The following LENG8 variants were observed in gnomAD, a reference collection of about 807,000 sequenced individuals.
LENG8 encodes leukocyte receptor cluster (LRC) member 8.
LENG8 carries 28 observed loss-of-function variants against 102.1 expected under a neutral mutation model. That is an observed-to-expected ratio of 0.27 (90% CI 0.20 to 0.38). The LOEUF (loss-of-function observed/expected upper bound fraction) is 0.38. LENG8 is among the 10% of genes least tolerant of loss of function. The probability of loss-of-function intolerance (pLI) is 1.00; values close to 1 mark genes in which losing one functional copy is unlikely to be tolerated. For missense variants in LENG8, 1,022 were observed against 1,113.9 expected, an observed-to-expected ratio of 0.92 and a Z score of 1.17; for synonymous variants, 531 against 456.7, an observed-to-expected ratio of 1.16 and a Z score of -2.07.
chr19:54,458,023 C>G, intron 13 of LENG8, 21 bp downstream of exon 13: 1 of 1,613,142 alleles, frequency 6.2e-7, no homozygotes, highest in East Asian at 2.2e-5. Flanking sequence ...CTCTGCGGGC[C>G]TCCCCAGCCC....
At chr19:54,450,078 C>G (rs754804344) in intron 1 of LENG8, among the ~76,000 whole-genome samples, 3 of 152,220 alleles carry the variant, frequency 2.0e-5, no homozygotes, top group Non-Finnish European at 1.5e-5. Flanking sequence ...AATCCTTGCT[C>G]CGGAGACACT....
Position 54,461,262 on chromosome 19 carries a change from T to G in LENG8, c.*334T>G. On this transcript the variant is annotated 3_prime_UTR_variant, in exon 16 of 16. Transcript: ENST00000326764. ...TCTCTCTTTCGAGCTTGCACTCCGGTACCCGACCCGGCGCCCTGGCCCATC... is the reference window on the plus strand; with the variant it reads ...TCTCTCTTTCGAGCTTGCACTCCGGGACCCGACCCGGCGCCCTGGCCCATC... The G allele has an allele frequency of 6.0e-6, 3 of 500,004 alleles. No homozygotes were observed. The highest frequency in any genetic ancestry group is 1.9e-5 in the African/African-American group (1 of 51,810). 31.0% of individuals were successfully genotyped at this position (500,004 alleles called of 1,614,324 possible). A position where few individuals can be genotyped will look rare whatever the true frequency, so the allele number is the denominator to read the frequency against.
chr19:54,458,005 G>A lies in LENG8; in HGVS notation c.1902+3G>A. 6.2e-7 allele frequency: 1 copy of A among 1,613,548 alleles called. No individual in the cohort carries two copies. The highest frequency in any genetic ancestry group is 8.5e-7 in the Non-Finnish European group (1 of 1,180,030). ...ATGCCCGGATCGCCTTGGAGAAGGT[G>A]AGCTGGCCTCTGCGGGCCTCCCCAG... is the stretch of plus-strand genomic sequence containing the variant. On this transcript the variant is annotated splice_donor_region_variant and intron_variant, in intron 13 of 15. Transcript: ENST00000326764.
chr19:54,453,979 A>G (rs754601931), intron 5 of LENG8, among the ~76,000 whole-genome samples: 9 of 152,184 alleles, frequency 5.9e-5, no homozygotes, highest in Non-Finnish European at 1.5e-5. Context: ...GGAGGCAGGT[A>G]GACCTGGGTT....
At chr19:54,457,414 C>T (rs912120678) in intron 11 of LENG8, among the ~76,000 whole-genome samples, 5 of 152,202 alleles carry the variant, frequency 3.3e-5, no homozygotes, top group African/African-American at 1.2e-4. Context: ...GATCTTGGCT[C>T]ACCGCAGCCT....
rs1188940495 is a variant in LENG8 at position 54,459,875 on chromosome 19, G to C, written c.2241-891G>C. 3.4e-6 allele frequency: 4 copies of C among 1,169,914 alleles called. No homozygotes were observed. In the African/African-American group the frequency reaches 6.4e-5, roughly 19 times the overall value. 72.5% of individuals were successfully genotyped at this position (1,169,914 alleles called of 1,614,324 possible). ...AGGAGGCTGCTTAGTCTGCTGCCAT[G>C]ATGGGCCCCATGAATGGTGGCTCTC... On this transcript the variant is annotated intron_variant, in intron 15 of 15. Transcript: ENST00000326764.
At chr19:54,458,025 C>T (rs1422540956) in intron 13 of LENG8, 23 bp downstream of exon 13, 5 of 1,613,040 alleles carry the variant, frequency 3.1e-6, no homozygotes, top group Middle Eastern at 1.6e-4. Flanking sequence ...CTGCGGGCCT[C>T]CCCAGCCCCT....
intron 11 of LENG8, among the ~76,000 whole-genome samples, chr19:54,457,156 C>G (rs1009404868): frequency 2.0e-5 from 3 of 152,250 alleles, no homozygotes; most frequent in Non-Finnish European, 4.4e-5. Context: ...ACCTCTGGGC[C>G]GTGGTTCCTG....
Position 54,451,335 on chromosome 19 carries a change from C to T in LENG8, c.-10C>T, listed in dbSNP as rs746014471. ...CTCCCGAGGTCCACCCCTTATACCC[C>T]AAGGTCCAGATGGCGGCCAACGTGG... is the stretch of plus-strand genomic sequence containing the variant. On this transcript the variant is annotated 5_prime_UTR_variant, in exon 2 of 16. Transcript: ENST00000326764. The T allele has an allele frequency of 1.9e-6, 3 of 1,614,046 alleles. No individual in the cohort carries two copies. The East Asian group carries it at 6.7e-5, about 36-fold the overall frequency.
intron 3 of LENG8, 54 bp from the exon 4 acceptor site, chr19:54,452,597 C>A: frequency 7.1e-7 from 1 of 1,412,092 alleles, no homozygotes; most frequent in Non-Finnish European, 1.0e-6. Context: ...CCTTTGGGGG[C>A]CGTGTGCCTG....
chr19:54,451,857 CA>C (rs530653094), intron 2 of LENG8: 1 of 505,074 alleles, frequency 2.0e-6, no homozygotes, highest in Non-Finnish European at 3.5e-6. Flanking sequence ...TTGGTTTTAA[CA>C]ACTGCTGTGT....
chr19:54,455,601 G>T (rs1373460007), intron 8 of LENG8, 34 bp downstream of exon 8: 1 of 1,570,564 alleles, frequency 6.4e-7, no homozygotes, highest in Non-Finnish European at 8.6e-7. Context: ...GTGGGAGGGT[G>T]GTGCTGTGAG....
At position 54,456,381 on chromosome 19, in the gene LENG8, G is replaced by A; in HGVS notation, c.1361G>A (p.Gly454Asp). 6.2e-7 allele frequency: 1 copy of A among 1,612,746 alleles called. No individual in the cohort carries two copies. The highest frequency in any genetic ancestry group is 8.5e-7 in the Non-Finnish European group (1 of 1,179,988). Residue 454 changes from glycine to aspartate, a missense_variant, in exon 10 of 16, where the codon GGC becomes GAC. By Grantham distance (94) the Gly-to-Asp change is moderately conservative (BLOSUM62 -1). Around this residue, in one of 7 missense-constraint regions of LENG8, gnomAD observed 326 missense variants for 324.5 expected, o/e 1.00. Coordinates refer to ENST00000326764, the MANE Select transcript of LENG8 (RefSeq NM_052925.4). ...SYSGNECHPV[G>D]RRNPPPKGRG... ...TCAGGGAATGAGTGTCACCCTGTGG[G>A]CCGCAGGAACCCGCCCCCTAAGGGC...
chr19:54,454,246 A>G lies in LENG8; in HGVS notation c.427-184A>G, dbSNP rs546928849. ...AGCTGGAGCCTTGTCAGCTGTGAAA[A>G]GGGCTGTTAACAAATGTTAACCTCA... On this transcript the variant is annotated intron_variant, in intron 5 of 15. Coordinates refer to ENST00000326764, the MANE Select transcript of LENG8 (RefSeq NM_052925.4). Among the ~76,000 whole-genome samples, 5 of 152,290 alleles carry G rather than the reference A, an allele frequency of 3.3e-5. No individual in the cohort carries two copies. In the South Asian group the frequency reaches 6.2e-4, roughly 19 times the overall value.
chr19:54,460,747 T>C lies in LENG8; in HGVS notation c.2241-19T>C, dbSNP rs760983523. ...CTCCCGCCCGCCCGCCTCATCACCT[T>C]CTCCTCTTGTCTCCATAGCTTCCGC... is the stretch of plus-strand genomic sequence containing the variant. On this transcript the variant is annotated intron_variant, in intron 15 of 15. Transcript: ENST00000326764. 2.8e-4 allele frequency: 162 copies of C among 579,910 alleles called. No homozygotes were observed. Among genetic ancestry groups the C allele is most frequent in the Non-Finnish European group, 3.7e-4 (135 of 368,748 alleles). 35.9% of individuals were successfully genotyped at this position (579,910 alleles called of 1,614,324 possible). A position where few individuals can be genotyped will look rare whatever the true frequency, so the allele number is the denominator to read the frequency against.
Position 54,455,399 on chromosome 19 carries a change from C to T in LENG8, c.857C>T (p.Pro286Leu), listed in dbSNP as rs749395285. ...GCCCGGGGGAACCTGTCTGGGAAGCCGGATGACTGGCCCCAGGACATGAAA... is the reference window on the plus strand; with the variant it reads ...GCCCGGGGGAACCTGTCTGGGAAGCTGGATGACTGGCCCCAGGACATGAAA... ...SSARGNLSGK[P>L]DDWPQDMKEY... is the part of the protein sequence containing the mutation. The change falls in exon 8 of 16, where the codon CCG becomes CTG. Residue 286 changes from proline to leucine, a missense_variant. Coordinates refer to ENST00000326764, the MANE Select transcript of LENG8 (RefSeq NM_052925.4). The T allele has an allele frequency of 6.8e-6, 11 of 1,614,032 alleles. No individual in the cohort carries two copies. Among genetic ancestry groups the T allele is most frequent in the African/African-American group, 1.3e-5 (1 of 74,920 alleles).
In LENG8 at chr19:54,460,814, C is replaced by G; in HGVS notation, c.2289C>G (p.Phe763Leu). 1 of 1,580,334 alleles carries G rather than the reference C, an allele frequency of 6.3e-7. No homozygotes were observed. Among genetic ancestry groups the G allele is most frequent in the Non-Finnish European group, 8.6e-7 (1 of 1,164,198 alleles). Reference protein sequence around the residue: ...PVSYLQAELAFEGEAACRAFL... With the variant: ...PVSYLQAELALEGEAACRAFL... ...CCTACCTGCAGGCCGAGCTGGCCTT[C>G]GAGGGCGAGGCCGCCTGCCGGGCCT... Residue 763 changes from phenylalanine to leucine, a missense_variant, in exon 16 of 16, where the codon TTC becomes TTG. Transcript: ENST00000326764.
At chr19:54,453,052 G>A (rs1042557006) in intron 4 of LENG8, among the ~76,000 whole-genome samples, 1 of 152,176 alleles carries the variant, frequency 6.6e-6, no homozygotes, top group African/African-American at 2.4e-5. Flanking sequence ...CTTTGCCCTG[G>A]CTGCAGTGCT....
At chr19:54,451,767 T>C (rs1240831446) in intron 2 of LENG8, among the ~76,000 whole-genome samples, 1 of 152,172 alleles carries the variant, frequency 6.6e-6, no homozygotes, top group Non-Finnish European at 1.5e-5. Flanking sequence ...ACAGAATTCA[T>C]TGATTCATGA....
Sources: gnomAD v4.1 joint callset for allele counts (sites outside exome capture counted in the v4.1 genomes callset) on GRCh38, gnomAD v4.1.1 for gene constraint, gnomAD v4.1.1 regional missense constraint, MANE v1.5 for transcripts, NCBI Gene and HGNC (gene_info 2026-07-23, HGNC 2026-07-21) for gene names.